ERC2: variants seen among roughly 807,000 people sequenced by gnomAD.
ERC2 encodes the protein ELKS/RAB6-interacting/CAST family member 2.
In ERC2, 42 loss-of-function variants were observed where a neutral mutation model predicts 114.8. That is an observed-to-expected ratio of 0.37 (90% CI 0.29 to 0.47). The LOEUF is 0.47. ERC2 is among the 20% of genes least tolerant of loss of function. The probability of loss-of-function intolerance (pLI) is 0.99; values close to 1 mark genes in which losing one functional copy is unlikely to be tolerated. For synonymous variants in ERC2, 454 were observed against 425.5 expected (o/e 1.07, Z -0.82); for missense variants, 939 against 1,150.7 (o/e 0.82, Z 2.66).
At chr3:56,230,711 C>T (rs988307659) in intron 3 of ERC2, among the ~76,000 whole-genome samples, 6 of 152,034 alleles carry the variant, frequency 3.9e-5, no homozygotes, top group African/African-American at 1.4e-4. Flanking sequence ...TTCTTAATAG[C>T]TAGAGCTAAA....
At chr3:55,942,918 T>C (rs907909472) in intron 13 of ERC2, among the ~76,000 whole-genome samples, 4 of 152,248 alleles carry the variant, frequency 2.6e-5, no homozygotes, top group Admixed American at 6.5e-5. Flanking sequence ...AAGTCAAAGT[T>C]AACATTTTTA....
chr3:56,456,975 G>A (rs2063092170), intron 1 of ERC2, among the ~76,000 whole-genome samples: 2 of 152,156 alleles, frequency 1.3e-5, no homozygotes, highest in African/African-American at 4.8e-5. Context: ...GTAAGAGGCA[G>A]ACACTATGCA....
At chr3:56,315,224 G>A (rs2056806814) in intron 2 of ERC2, among the ~76,000 whole-genome samples, 1 of 152,048 alleles carries the variant, frequency 6.6e-6, no homozygotes, top group Admixed American at 6.6e-5. Context: ...TTCTACCCGG[G>A]AGCTTAAGGA....
chr3:55,789,665 A>C (rs943685125), intron 14 of ERC2, among the ~76,000 whole-genome samples: 1 of 152,224 alleles, frequency 6.6e-6, no homozygotes, highest in Non-Finnish European at 1.5e-5. Context: ...CATTTCCCCC[A>C]AACAATTGGT....
At chr3:56,255,854 A>G (rs1198185592) in intron 3 of ERC2, among the ~76,000 whole-genome samples, 2 of 152,248 alleles carry the variant, frequency 1.3e-5, no homozygotes, top group African/African-American at 4.8e-5. Flanking sequence ...GACCAGCAGC[A>G]TGAATGTCGT....
chr3:56,417,720 G>A (rs1467605117), intron 2 of ERC2, among the ~76,000 whole-genome samples: 3 of 152,110 alleles, frequency 2.0e-5, no homozygotes, highest in South Asian at 2.1e-4. Context: ...TGGTGCTCTC[G>A]ACCACCATCA....
chr3:55,577,048 C>T (rs927162325), intron 17 of ERC2, among the ~76,000 whole-genome samples: 6 of 152,176 alleles, frequency 3.9e-5, no homozygotes, highest in Non-Finnish European at 4.4e-5. Flanking sequence ...CTGTCCTCAG[C>T]GCCAACTTCC....
intron 14 of ERC2, among the ~76,000 whole-genome samples, chr3:55,773,693 T>C (rs1283354691): frequency 6.6e-6 from 1 of 152,248 alleles, no homozygotes; most frequent in Non-Finnish European, 1.5e-5. Flanking sequence ...TCAATGAATA[T>C]GGAATATGGC....
chr3:55,599,718 A>G (rs969296358), intron 17 of ERC2, among the ~76,000 whole-genome samples: 1 of 152,228 alleles, frequency 6.6e-6, no homozygotes, highest in East Asian at 1.9e-4. Flanking sequence ...CAGTTGGAAT[A>G]TTCATGCTCA....
chr3:56,400,496 A>G (rs531793016), intron 2 of ERC2, among the ~76,000 whole-genome samples: 22 of 152,284 alleles, frequency 1.4e-4, no homozygotes, highest in African/African-American at 4.8e-4. Flanking sequence ...CAATTTCACT[A>G]TTTCATATCC....
At chr3:55,801,092 C>A (rs372044822) in intron 14 of ERC2, among the ~76,000 whole-genome samples, 4 of 152,308 alleles carry the variant, frequency 2.6e-5, no homozygotes, top group East Asian at 3.9e-4. Context: ...TGGAATTAAT[C>A]CCTTTGTACA....
At chr3:56,035,932 C>T (rs557795445) in intron 7 of ERC2, among the ~76,000 whole-genome samples, 2 of 152,216 alleles carry the variant, frequency 1.3e-5, no homozygotes, top group East Asian at 1.9e-4. Context: ...AGTCCAATAT[C>T]CCTGATGAAT....
chr3:55,970,784 T>C (rs2069099860), intron 12 of ERC2, among the ~76,000 whole-genome samples: 1 of 152,188 alleles, frequency 6.6e-6, no homozygotes, highest in Admixed American at 6.5e-5. Context: ...AATTTGGCAG[T>C]TCCTCAACAA....
intron 7 of ERC2, among the ~76,000 whole-genome samples, chr3:56,031,252 C>G (rs2074364953): frequency 6.6e-6 from 1 of 152,210 alleles, no homozygotes; most frequent in Non-Finnish European, 1.5e-5. Context: ...TGGACCCCAA[C>G]CCAAGCTGAT....
chr3:55,602,173 T>C (rs1309677546), intron 17 of ERC2, among the ~76,000 whole-genome samples: 1 of 152,176 alleles, frequency 6.6e-6, no homozygotes, highest in Non-Finnish European at 1.5e-5. Flanking sequence ...AGTCAGTGTG[T>C]GAGAGACTGA....
chr3:56,195,492 C>CATGTGTGCGTGT (rs2048040112), intron 3 of ERC2, among the ~76,000 whole-genome samples: 1 of 60,540 alleles, frequency 1.7e-5, no homozygotes, highest in Non-Finnish European at 4.7e-5. Flanking sequence ...TTTGTGTGTG[C>CATGTGTGCGTGT]GTGTGTGCGT....
Position 55,621,600 on chromosome 3 carries a change from T to C in ERC2, c.*39+62194A>G, listed in dbSNP as rs573850107. Reference sequence around the variant, plus strand: ...CAGGCTGGCTGGAGACACAGACACCTTGATAATTATAATGCAAAGTGTTAA... The same window carrying C: ...CAGGCTGGCTGGAGACACAGACACCCTGATAATTATAATGCAAAGTGTTAA... On this transcript the variant is annotated intron_variant, in intron 17 of 17. Coordinates refer to ENST00000288221, the MANE Select transcript of ERC2 (RefSeq NM_015576.3). Among the ~76,000 whole-genome samples, 4 of 152,214 alleles carry C rather than the reference T, an allele frequency of 2.6e-5. No individual in the cohort carries two copies. In the East Asian group the frequency reaches 5.8e-4, roughly 22 times the overall value.
intron 17 of ERC2, among the ~76,000 whole-genome samples, chr3:55,656,050 G>A (rs1291499011): frequency 6.6e-6 from 1 of 152,172 alleles, no homozygotes; most frequent in Non-Finnish European, 1.5e-5. Context: ...TGTCTGCAAA[G>A]CTGCTTGGCC....
intron 16 of ERC2, among the ~76,000 whole-genome samples, chr3:55,693,520 A>T (rs1280512681): frequency 1.3e-5 from 2 of 152,050 alleles, no homozygotes; most frequent in Non-Finnish European, 2.9e-5. Flanking sequence ...TGAGGATCTC[A>T]TTCTGGTGAT....
Sources: gnomAD v4.1 joint callset for allele counts (sites outside exome capture counted in the v4.1 genomes callset) on GRCh38, gnomAD v4.1.1 for gene constraint, MANE v1.5 for transcripts, NCBI Gene and HGNC (gene_info 2026-07-23, HGNC 2026-07-21) for gene names.